The following AGBL4 variants were observed in gnomAD, a reference collection of about 807,000 sequenced individuals.
The protein encoded by AGBL4 is AGBL carboxypeptidase 4.
AGBL4 carries 58 observed loss-of-function variants against 66.4 expected under a neutral mutation model. The observed-to-expected ratio is 0.87, with a 90% CI of 0.71 to 1.09. AGBL4 has a LOEUF of 1.09. Among genes scored for constraint, AGBL4 ranks in the 50% least tolerant of loss-of-function variants. The pLI, the probability that AGBL4 is intolerant of heterozygous loss-of-function variation, is 0.00. For missense variants in AGBL4, 579 were observed against 631.0 expected, an observed-to-expected ratio of 0.92 and a Z score of 0.88; for synonymous variants, 234 against 222.9, an observed-to-expected ratio of 1.05 and a Z score of -0.44.
intron 1 of AGBL4, among the ~76,000 whole-genome samples, chr1:50,010,778 A>C (rs913053623): frequency 1.3e-5 from 2 of 152,242 alleles, no homozygotes; most frequent in Non-Finnish European, 2.9e-5. Flanking sequence ...CAGAAAAATA[A>C]AACTAGACCT....
At chr1:48,933,963 C>T (rs1246295278) in intron 5 of AGBL4, among the ~76,000 whole-genome samples, 1 of 152,196 alleles carries the variant, frequency 6.6e-6, no homozygotes, top group Admixed American at 6.5e-5. Flanking sequence ...TTAGCATGAG[C>T]CCTTGCCTCT....
At chr1:49,543,836 G>A (rs888924603) in intron 3 of AGBL4, among the ~76,000 whole-genome samples, 2 of 152,072 alleles carry the variant, frequency 1.3e-5, no homozygotes, top group South Asian at 2.1e-4. Context: ...GTATCCCCTC[G>A]TAACTGTTGC....
chr1:49,017,536 A>G (rs7524637), intron 5 of AGBL4, among the ~76,000 whole-genome samples: 84,692 of 152,026 alleles, frequency 0.56, 24,141 homozygotes, highest in Non-Finnish European at 0.61. Flanking sequence ...CCCTGAATAC[A>G]TGCAAAAGAT....
intron 1 of AGBL4, among the ~76,000 whole-genome samples, chr1:49,937,693 A>T (rs942472700): frequency 9.9e-5 from 15 of 152,248 alleles, no homozygotes; most frequent in Non-Finnish European, 2.9e-5. Context: ...ATCTCATTCA[A>T]AACAGCTCAA....
At chr1:48,567,487 C>T (rs2148309417) in intron 11 of AGBL4, among the ~76,000 whole-genome samples, 1 of 152,284 alleles carries the variant, frequency 6.6e-6, no homozygotes, top group East Asian at 1.9e-4. Flanking sequence ...AATCTAGGGG[C>T]AGCTCTCAAA....
chr1:48,974,161 A>G (rs1659133286), intron 5 of AGBL4, among the ~76,000 whole-genome samples: 1 of 152,122 alleles, frequency 6.6e-6, no homozygotes, highest in Admixed American at 6.6e-5. Flanking sequence ...AAGGGAAAGA[A>G]GGACGAAAGT....
intron 11 of AGBL4, among the ~76,000 whole-genome samples, chr1:48,572,887 C>A (rs553439724): frequency 1.2e-4 from 19 of 152,186 alleles, no homozygotes; most frequent in Non-Finnish European, 2.5e-4. Context: ...AGCTTGTGGT[C>A]CCCCAAAGAC....
intron 2 of AGBL4, among the ~76,000 whole-genome samples, chr1:49,815,959 T>A (rs1454114116): frequency 6.6e-6 from 1 of 152,084 alleles, no homozygotes; most frequent in East Asian, 1.9e-4. Flanking sequence ...GACAGGATCA[T>A]GACTCACTGC....
chr1:49,040,414 T>C (rs928182590), intron 5 of AGBL4, among the ~76,000 whole-genome samples: 3 of 152,074 alleles, frequency 2.0e-5, no homozygotes, highest in African/African-American at 7.2e-5. Context: ...TGACAGTTTA[T>C]CTTTTAAAAG....
At chr1:48,976,239 T>C (rs1183253634) in intron 5 of AGBL4, among the ~76,000 whole-genome samples, 1 of 152,168 alleles carries the variant, frequency 6.6e-6, no homozygotes, top group Admixed American at 6.6e-5. Context: ...ATTCCTTGGA[T>C]GTCAGTTAGT....
In AGBL4 at chr1:49,295,059, T is replaced by C. The variant is rs949919767; in HGVS notation, c.283-49195A>G. On this transcript the variant is annotated intron_variant, in intron 3 of 13. Coordinates refer to ENST00000371839, the MANE Select transcript of AGBL4 (RefSeq NM_032785.4). ...GTGAATCCATGAATAAATAAATTAATTGAATGTAGAACTATTATTCATTCC... is the reference window on the plus strand; with the variant it reads ...GTGAATCCATGAATAAATAAATTAACTGAATGTAGAACTATTATTCATTCC... Among the ~76,000 whole-genome samples the C allele has an allele frequency of 3.9e-5, 6 of 152,350 alleles. No individual in the cohort carries two copies. The East Asian group carries it at 1.2e-3, about 29-fold the overall frequency.
At chr1:49,741,527 G>T (rs957526237) in intron 2 of AGBL4, among the ~76,000 whole-genome samples, 10 of 152,098 alleles carry the variant, frequency 6.6e-5, no homozygotes, top group Non-Finnish European at 1.3e-4. Flanking sequence ...AGAAAAGGAG[G>T]GAATCCTCCC....
chr1:49,379,217 ATCT>A (rs1418606855), intron 3 of AGBL4, among the ~76,000 whole-genome samples: 3 of 152,076 alleles, frequency 2.0e-5, no homozygotes, highest in Admixed American at 6.6e-5. Flanking sequence ...GTCATCCCTG[ATCT>A]TCTATCATTC....
intron 6 of AGBL4, among the ~76,000 whole-genome samples, chr1:48,793,836 G>A (rs921669653): frequency 3.3e-5 from 5 of 152,190 alleles, no homozygotes; most frequent in Non-Finnish European, 7.3e-5. Context: ...CGGGTATAAA[G>A]TCATCAGTTA....
At chr1:48,893,638 T>C (rs1651203791) in intron 5 of AGBL4, among the ~76,000 whole-genome samples, 1 of 151,812 alleles carries the variant, frequency 6.6e-6, no homozygotes, top group Non-Finnish European at 1.5e-5. Context: ...TGAGCCGAGA[T>C]GGCGCCACTG....
At chr1:49,567,184 C>A (rs1003559246) in intron 3 of AGBL4, among the ~76,000 whole-genome samples, 8 of 152,214 alleles carry the variant, frequency 5.3e-5, no homozygotes, top group Non-Finnish European at 8.8e-5. Flanking sequence ...ACCCGATTTT[C>A]CAGGTGCCGT....
intron 1 of AGBL4, among the ~76,000 whole-genome samples, chr1:49,899,840 A>C (rs962826936): frequency 1.3e-5 from 2 of 152,196 alleles, no homozygotes; most frequent in African/African-American, 4.8e-5. Context: ...CAGCAGCTCC[A>C]GACCAGCCTG....
chr1:49,767,242 A>G (rs1033464032), intron 2 of AGBL4, among the ~76,000 whole-genome samples: 1 of 152,138 alleles, frequency 6.6e-6, no homozygotes, highest in African/African-American at 2.4e-5. Flanking sequence ...AAAAAATAAA[A>G]GTCATATCAA....
chr1:49,516,880 A>G (rs945740364), intron 3 of AGBL4, among the ~76,000 whole-genome samples: 1 of 152,106 alleles, frequency 6.6e-6, no homozygotes, highest in African/African-American at 2.4e-5. Context: ...AGACATTCCT[A>G]TAAGTGATGC....
Sources: allele counts gnomAD v4.1 joint callset (sites outside exome capture counted in the v4.1 genomes callset), GRCh38; gene constraint gnomAD v4.1.1; transcripts MANE v1.5; gene names NCBI Gene and HGNC (gene_info 2026-07-23, HGNC 2026-07-21).